The following CTNNA2 variants were observed in gnomAD, a reference collection of about 807,000 sequenced individuals.
The protein encoded by CTNNA2 is catenin alpha-2.
Under a neutral mutation model 101.0 loss-of-function variants are expected in CTNNA2, and 42 were observed. The ratio of observed to expected loss-of-function variants is 0.42; its 90% confidence interval spans 0.32 to 0.54. CTNNA2 has a LOEUF of 0.54. CTNNA2 is among the 20% of genes least tolerant of loss of function. The probability of loss-of-function intolerance (pLI) is 0.14; values close to 1 mark genes in which losing one functional copy is unlikely to be tolerated. For synonymous variants in CTNNA2, 450 were observed against 456.4 expected (o/e 0.99, Z 0.18); for missense variants, 871 against 1,223.1 (o/e 0.71, Z 4.29).
At chr2:80,216,546 G>T (rs892270666) in intron 7 of CTNNA2, among the ~76,000 whole-genome samples, 3 of 152,168 alleles carry the variant, frequency 2.0e-5, no homozygotes, top group Non-Finnish European at 4.4e-5. Context: ...AATGAGATCA[G>T]TGCCTTTATA....
intron 12 of CTNNA2, among the ~76,000 whole-genome samples, chr2:80,564,759 A>G (rs1693903585): frequency 6.6e-6 from 1 of 152,190 alleles, no homozygotes; most frequent in African/African-American, 2.4e-5. Context: ...GGGACTGGCC[A>G]AGATGATGAT....
At chr2:80,371,378 G>A (rs1156699944) in intron 7 of CTNNA2, among the ~76,000 whole-genome samples, 1 of 152,100 alleles carries the variant, frequency 6.6e-6, no homozygotes, top group African/African-American at 2.4e-5. Context: ...TAAATATGAG[G>A]TAGTGAAGTG....
intron 8 of CTNNA2, among the ~76,000 whole-genome samples, chr2:80,401,312 T>TG (rs1678525816): frequency 6.6e-6 from 1 of 152,154 alleles, no homozygotes. Flanking sequence ...ATCATCAACT[T>TG]GCCTCCATTC....
intron 8 of CTNNA2, among the ~76,000 whole-genome samples, chr2:80,402,051 C>G (rs1425267044): frequency 1.3e-5 from 2 of 152,182 alleles, no homozygotes; most frequent in Non-Finnish European, 2.9e-5. Flanking sequence ...TCTGACTGAC[C>G]AGCTATACAT....
At chr2:79,482,254 C>G (rs1671116739) in intron 4 of CTNNA2, among the ~76,000 whole-genome samples, 1 of 152,120 alleles carries the variant, frequency 6.6e-6, no homozygotes, top group Non-Finnish European at 1.5e-5. Flanking sequence ...TCAAGGGTCT[C>G]AAAGGATTAG....
At chr2:79,874,817 A>C (rs112355574) in intron 6 of CTNNA2, among the ~76,000 whole-genome samples, 2 of 152,282 alleles carry the variant, frequency 1.3e-5, no homozygotes, top group Non-Finnish European at 2.9e-5. Flanking sequence ...TCGGGGAAAA[A>C]AGAAGAAACA....
intron 7 of CTNNA2, among the ~76,000 whole-genome samples, chr2:80,202,224 GAATT>G (rs1707253919): frequency 6.6e-6 from 1 of 152,112 alleles, no homozygotes; most frequent in South Asian, 2.1e-4. Flanking sequence ...ATCTGTTGAT[GAATT>G]AATTAATCAC....
intron 9 of CTNNA2, among the ~76,000 whole-genome samples, chr2:80,537,089 G>A (rs568417772): frequency 3.3e-5 from 5 of 151,630 alleles, no homozygotes; most frequent in African/African-American, 1.2e-4. Flanking sequence ...CCCACCCCCT[G>A]ACAGGCCCCA....
At chr2:80,155,395 G>A (rs932854386) in intron 7 of CTNNA2, among the ~76,000 whole-genome samples, 1 of 152,146 alleles carries the variant, frequency 6.6e-6, no homozygotes, top group African/African-American at 2.4e-5. Flanking sequence ...CTTCAATTAA[G>A]GCTGGGAAAT....
intron 15 of CTNNA2, chr2:80,601,596 T>A (rs1158684184): frequency 6.6e-6 from 1 of 151,794 alleles, no homozygotes; most frequent in African/African-American, 2.4e-5. Flanking sequence ...AGCAGCTTTG[T>A]GATACATTTT....
At chr2:79,454,244 G>A (rs1055554512) in intron 4 of CTNNA2, among the ~76,000 whole-genome samples, 11 of 151,920 alleles carry the variant, frequency 7.2e-5, no homozygotes, top group African/African-American at 2.4e-4. Flanking sequence ...ATTTTACCCT[G>A]TGAGTAATTT....
chr2:79,508,931 C>CAT (rs200789720), upstream of CTNNA2, among the ~76,000 whole-genome samples: 5,927 of 126,324 alleles, frequency 0.047, 270 homozygotes, highest in Non-Finnish European at 0.068. Context: ...TACTTGAAAA[C>CAT]ATATATATAT....
chr2:79,348,589 C>T (rs754843019), intron 3 of CTNNA2, among the ~76,000 whole-genome samples: 6 of 152,170 alleles, frequency 3.9e-5, no homozygotes, highest in Non-Finnish European at 8.8e-5. Context: ...ATATCTCAGT[C>T]TGAGCTAAAA....
chr2:80,023,858 C>T (rs1416093597), intron 7 of CTNNA2, among the ~76,000 whole-genome samples: 1 of 152,034 alleles, frequency 6.6e-6, no homozygotes, highest in Non-Finnish European at 1.5e-5. Context: ...GAGGCCGAGG[C>T]GGGCGGATCA....
chr2:79,659,345 T>C (rs957003736), intron 2 of CTNNA2, among the ~76,000 whole-genome samples: 4 of 151,940 alleles, frequency 2.6e-5, no homozygotes, highest in African/African-American at 9.7e-5. Flanking sequence ...TTTCCATCTA[T>C]CCAGAGAATA....
chr2:80,003,178 T>C (rs937511518), intron 7 of CTNNA2, among the ~76,000 whole-genome samples: 40 of 152,196 alleles, frequency 2.6e-4, no homozygotes, highest in African/African-American at 8.9e-4. Flanking sequence ...CAGGTTTATA[T>C]TGAAAATTCT....
intron 7 of CTNNA2, among the ~76,000 whole-genome samples, chr2:80,311,715 G>T (rs1450330468): frequency 1.3e-5 from 2 of 152,188 alleles, no homozygotes; most frequent in African/African-American, 4.8e-5. Context: ...AATGCACAAG[G>T]CTTTGTTCTG....
intron 7 of CTNNA2, among the ~76,000 whole-genome samples, chr2:80,244,500 C>T (rs1043887622): frequency 2.6e-5 from 4 of 152,192 alleles, no homozygotes; most frequent in African/African-American, 9.7e-5. Flanking sequence ...TTAAGGAATT[C>T]ATAACTACTG....
chr2:80,247,177 A>G (rs1671391384), intron 7 of CTNNA2, among the ~76,000 whole-genome samples: 1 of 152,204 alleles, frequency 6.6e-6, no homozygotes. Context: ...GCTCTTCTAA[A>G]GCTGCAGACA....
Sources: gnomAD v4.1 joint callset for allele counts (sites outside exome capture counted in the v4.1 genomes callset) on GRCh38, gnomAD v4.1.1 for gene constraint, MANE v1.5 for transcripts, NCBI Gene and HGNC (gene_info 2026-07-23, HGNC 2026-07-21) for gene names.